MAPK10: variants seen among roughly 807,000 people sequenced by gnomAD.
MAPK10 encodes JNK3 alpha protein kinase.
MAPK10 carries 25 observed loss-of-function variants against 59.3 expected under a neutral mutation model. That is an observed-to-expected ratio of 0.42 (90% CI 0.31 to 0.59). The LOEUF (loss-of-function observed/expected upper bound fraction) is 0.59, where lower values mean the gene tolerates loss of function less well. Among genes scored for constraint, MAPK10 ranks in the 20% least tolerant of loss-of-function variants. The probability of loss-of-function intolerance (pLI) is 0.15; values close to 1 mark genes in which losing one functional copy is unlikely to be tolerated. For synonymous variants in MAPK10, 190 were observed against 200.5 expected, an observed-to-expected ratio of 0.95 and a Z score of 0.44; for missense variants, 351 against 568.9, an observed-to-expected ratio of 0.62 and a Z score of 3.90.
At chr4:86,187,786 TAC>T (rs1369993773) in intron 3 of MAPK10, among the ~76,000 whole-genome samples, 1 of 152,146 alleles carries the variant, frequency 6.6e-6, no homozygotes, top group African/African-American at 2.4e-5. Flanking sequence ...TAAAAACTTA[TAC>T]TTTAAGTTCT....
intron 2 of MAPK10, among the ~76,000 whole-genome samples, chr4:86,286,948 G>C (rs17011659): frequency 0.14 from 21,184 of 152,176 alleles, 1,877 homozygotes; most frequent in African/African-American, 0.25. Flanking sequence ...GCCTGTTTGG[G>C]AAAATGCTGG....
At chr4:86,144,882 G>A (rs1240814795) in intron 4 of MAPK10, among the ~76,000 whole-genome samples, 1 of 152,012 alleles carries the variant, frequency 6.6e-6, no homozygotes, top group Non-Finnish European at 1.5e-5. Context: ...AACTTACAGT[G>A]AGCTGCTAAA....
chr4:86,481,481 G>T (rs1321952483), intron 1 of MAPK10, among the ~76,000 whole-genome samples: 2 of 148,878 alleles, frequency 1.3e-5, no homozygotes, highest in African/African-American at 4.9e-5. Flanking sequence ...CTAAAATTCT[G>T]TTTCTACACC....
rs114488763 is a variant in MAPK10 at position 86,562,150 on chromosome 4, G to A, written c.-263+31760C>T. The stretch of plus-strand genomic sequence containing the variant: ...GCGGGAGGATCCCTTGGGCCCCAGC[G>A]TTCAAGACCAGCCTTGGCAACATAG... On this transcript the variant is annotated intron_variant, in intron 1 of 4. Coordinates refer to the MAPK10 transcript ENST00000502302. 3.6e-3 allele frequency among the ~76,000 whole-genome samples: 546 copies of A among 152,278 alleles called. 3 individuals carry two copies. The highest frequency in any genetic ancestry group is 0.012 in the African/African-American group (509 of 41,560).
At chr4:86,277,159 G>A (rs894726673) in intron 2 of MAPK10, 108 of 149,406 alleles carry the variant, frequency 7.2e-4, no homozygotes, top group African/African-American at 2.6e-3. Context: ...TTTAGACAAA[G>A]TCTGGCTCTG....
chr4:86,469,892 T>A (rs1564915630), intron 1 of MAPK10, among the ~76,000 whole-genome samples: 1 of 152,208 alleles, frequency 6.6e-6, no homozygotes, highest in Non-Finnish European at 1.5e-5. Context: ...AAGTATTTGA[T>A]GACTGAGAAT....
intron 2 of MAPK10, among the ~76,000 whole-genome samples, chr4:86,212,243 G>A (rs925907755): frequency 2.0e-5 from 3 of 152,032 alleles, no homozygotes; most frequent in African/African-American, 7.2e-5. Context: ...AAAGTCAGAG[G>A]ATGGAAAAAT....
At chr4:86,053,580 A>G (rs1357944324) in intron 11 of MAPK10, among the ~76,000 whole-genome samples, 1 of 152,124 alleles carries the variant, frequency 6.6e-6, no homozygotes, top group Non-Finnish European at 1.5e-5. Context: ...TCCTCTTAGT[A>G]TAAAATTTGG....
At chr4:86,249,291 T>A (rs950432649) in intron 2 of MAPK10, among the ~76,000 whole-genome samples, 3 of 152,160 alleles carry the variant, frequency 2.0e-5, no homozygotes, top group Non-Finnish European at 4.4e-5. Flanking sequence ...TAGCATTGGT[T>A]TAGTGGCTCA....
In MAPK10 at chr4:86,066,153, T is replaced by C. The variant is rs577416281; in HGVS notation, c.985+1620A>G. ...TAATTTTCTGAACAAATATGAAAAA[T>C]CACTAGTTAAACTTGAGAATTTTTT... On this transcript the variant is annotated intron_variant, in intron 10 of 13. Transcript: ENST00000641462. Among the ~76,000 whole-genome samples the C allele has an allele frequency of 3.3e-5, 5 of 152,268 alleles. No individual in the cohort carries two copies. In the East Asian group the frequency reaches 7.7e-4, roughly 24 times the overall value.
At chr4:86,085,091 T>A (rs1411751653) in intron 9 of MAPK10, among the ~76,000 whole-genome samples, 1 of 152,062 alleles carries the variant, frequency 6.6e-6, no homozygotes, top group African/African-American at 2.4e-5. Flanking sequence ...TATACAAAGA[T>A]CCAATCAAGA....
At chr4:86,462,020 C>T (rs1468044016) in intron 1 of MAPK10, among the ~76,000 whole-genome samples, 3 of 152,226 alleles carry the variant, frequency 2.0e-5, no homozygotes, top group Non-Finnish European at 4.4e-5. Context: ...TCCTGGGCCC[C>T]GTTCCAAACT....
intron 9 of MAPK10, 174 bp downstream of exon 9, chr4:86,098,350 G>T: frequency 2.8e-6 from 2 of 714,780 alleles, no homozygotes; most frequent in Non-Finnish European, 4.0e-6. Context: ...AGAAATCATT[G>T]TGGTAGGCAG....
chr4:86,202,008 A>G (rs1449971277), intron 2 of MAPK10, among the ~76,000 whole-genome samples: 1 of 151,932 alleles, frequency 6.6e-6, no homozygotes, highest in African/African-American at 2.4e-5. Context: ...AGACCTCATA[A>G]AACATTGCTA....
intron 1 of MAPK10, chr4:86,593,601 T>C (rs1763270836): frequency 1.3e-5 from 2 of 152,216 alleles, no homozygotes; most frequent in African/African-American, 2.4e-5. Flanking sequence ...TTTAGTCTCA[T>C]AGATAAAATA....
intron 1 of MAPK10, among the ~76,000 whole-genome samples, chr4:86,547,909 G>C (rs1759371420): frequency 6.6e-6 from 1 of 152,132 alleles, no homozygotes; most frequent in African/African-American, 2.4e-5. Context: ...GTCTAGCTCA[G>C]GGATTGTAAA....
chr4:86,181,389 C>G (rs2076913780), intron 3 of MAPK10, among the ~76,000 whole-genome samples: 1 of 152,030 alleles, frequency 6.6e-6, no homozygotes, highest in Non-Finnish European at 1.5e-5. Context: ...CTCTGTGTCA[C>G]AGGCTTTCTC....
Position 86,010,911 on chromosome 4 carries a change from G to A in MAPK10, c.*6317C>T, listed in dbSNP as rs959029126. The A allele has an allele frequency of 5.3e-5, 8 of 152,146 alleles. No individual in the cohort carries two copies. Among genetic ancestry groups the A allele is most frequent in the Non-Finnish European group, 8.8e-5 (6 of 68,012 alleles). The allele number at this position is 152,146 out of a possible 1,614,324, so 9.4% of individuals were successfully genotyped here. ...TGGTTAAACATCGCAGACAAGATCA[G>A]GTGAAGAACATTACTAGAAGTTCAG... is the stretch of plus-strand genomic sequence containing the variant. On this transcript the variant is annotated 3_prime_UTR_variant, in exon 14 of 14. Coordinates refer to ENST00000641462, the MANE Select transcript of MAPK10 (RefSeq NM_138982.4).
At chr4:86,092,494 A>T (rs897325374) in intron 9 of MAPK10, among the ~76,000 whole-genome samples, 5 of 152,062 alleles carry the variant, frequency 3.3e-5, no homozygotes, top group African/African-American at 1.2e-4. Flanking sequence ...GAAAATGTAT[A>T]ATAAAAGAAT....
Sources: gnomAD v4.1 joint callset for allele counts (sites outside exome capture counted in the v4.1 genomes callset) on GRCh38, gnomAD v4.1.1 for gene constraint, MANE v1.5 for transcripts, NCBI Gene and HGNC (gene_info 2026-07-23, HGNC 2026-07-21) for gene names.